The following HPSE2 variants were observed in gnomAD, a reference collection of about 807,000 sequenced individuals.
The protein encoded by HPSE2 is inactive heparanase-2.
In HPSE2, 38 loss-of-function variants were observed where a neutral mutation model predicts 60.5. That is an observed-to-expected ratio of 0.63 (90% CI 0.48 to 0.82). HPSE2 has a LOEUF of 0.82. Ranked by LOEUF, HPSE2 falls within the 40% of genes least tolerant of loss-of-function variation. The pLI, the probability that HPSE2 is intolerant of heterozygous loss-of-function variation, is 0.00. For missense variants in HPSE2, 713 were observed against 740.4 expected, an observed-to-expected ratio of 0.96 and a Z score of 0.43; for synonymous variants, 295 against 293.2, an observed-to-expected ratio of 1.01 and a Z score of -0.06.
intron 3 of HPSE2, among the ~76,000 whole-genome samples, chr10:98,811,672 C>G (rs1272011628): frequency 6.6e-6 from 1 of 152,052 alleles, no homozygotes; most frequent in East Asian, 1.9e-4. Context: ...AAGAATCTAG[C>G]AAGTAGATAT....
intron 3 of HPSE2, among the ~76,000 whole-genome samples, chr10:98,876,303 G>A (rs1952876238): frequency 6.6e-6 from 1 of 151,724 alleles, no homozygotes; most frequent in Admixed American, 6.6e-5. Context: ...AATTCTTATG[G>A]TGGTGACTAA....
At chr10:98,994,071 G>T (rs1168104637) in intron 3 of HPSE2, among the ~76,000 whole-genome samples, 1 of 152,102 alleles carries the variant, frequency 6.6e-6, no homozygotes, top group African/African-American at 2.4e-5. Flanking sequence ...AAGCATGAAG[G>T]CTTTGAAGTC....
In HPSE2 at chr10:99,003,281, A is replaced by G. The variant is rs191148720; in HGVS notation, c.610+140957T>C. On this transcript the variant is annotated intron_variant, in intron 3 of 11. Coordinates refer to ENST00000370552, the MANE Select transcript of HPSE2 (RefSeq NM_021828.5). ...GTGGACACTTAGATTGATTCCATAT[A>G]TGGCTATTATGAATAATGCTGCAAT... 2.0e-3 allele frequency among the ~76,000 whole-genome samples: 309 copies of G among 152,144 alleles called. 5 individuals are homozygous for G. Among genetic ancestry groups the G allele is most frequent in the East Asian group, 7.7e-4 (4 of 5,178 alleles).
At chr10:98,988,415 A>G (rs1364226487) in intron 3 of HPSE2, among the ~76,000 whole-genome samples, 6 of 151,644 alleles carry the variant, frequency 4.0e-5, no homozygotes, top group African/African-American at 1.4e-4. Flanking sequence ...TATTTAATAA[A>G]TGGTGCTGGG....
At chr10:99,165,529 G>GTATTTATT (rs71009726) in intron 2 of HPSE2, among the ~76,000 whole-genome samples, 4,480 of 144,022 alleles carry the variant, frequency 0.031, 94 homozygotes, top group African/African-American at 0.042. Context: ...ATTTATTTAC[G>GTATTTATT]TATTTATTTA....
chr10:99,235,729 C>A lies in HPSE2; in HGVS notation c.74G>T (p.Gly25Val), dbSNP rs550903865. 8 of 1,613,838 alleles carry A rather than the reference C, an allele frequency of 5.0e-6. No individual in the cohort carries two copies. The highest frequency in any genetic ancestry group is 6.8e-6 in the Non-Finnish European group (8 of 1,180,004). Residue 25 changes from glycine (G) to valine (V), a missense_variant, in exon 1 of 12, where the codon GGG becomes GTG. By Grantham distance (109) the Gly-to-Val change is moderately radical (BLOSUM62 -3). Coordinates refer to ENST00000370552, the MANE Select transcript of HPSE2 (RefSeq NM_021828.5). ...NSRPPACLAP[G>V]ALYLALLLHL... is the part of the protein sequence containing the mutation. ...GAGCAACAGAGCCAAGTAGAGAGCC[C>A]CCGGGGCTAGGCACGCGGGGGGGCG...
At chr10:99,089,356 G>A (rs1202029546) in intron 3 of HPSE2, among the ~76,000 whole-genome samples, 1 of 152,150 alleles carries the variant, frequency 6.6e-6, no homozygotes, top group African/African-American at 2.4e-5. Flanking sequence ...TGTATAAGGT[G>A]AGAGATGAGG....
intron 3 of HPSE2, among the ~76,000 whole-genome samples, chr10:99,088,040 T>G (rs896834222): frequency 6.6e-6 from 1 of 151,402 alleles, no homozygotes; most frequent in East Asian, 1.9e-4. Flanking sequence ...ACTGGGCTCC[T>G]GGAAGTCCCT....
chr10:99,231,936 T>C (rs1849656947), intron 2 of HPSE2, among the ~76,000 whole-genome samples: 1 of 152,144 alleles, frequency 6.6e-6, no homozygotes. Context: ...TGACCTTTAA[T>C]AATCTATGAA....
intron 9 of HPSE2, among the ~76,000 whole-genome samples, chr10:98,521,293 A>G (rs1942783891): frequency 6.6e-6 from 1 of 152,194 alleles, no homozygotes; most frequent in Non-Finnish European, 1.5e-5. Context: ...CAAATTTACA[A>G]GAAAAAAACT....
chr10:99,013,927 C>A, intron 3 of HPSE2: 1 of 432,126 alleles, frequency 2.3e-6, no homozygotes, highest in South Asian at 1.8e-5. Flanking sequence ...GAACAGTCTC[C>A]ATATCCTGGT....
intron 3 of HPSE2, among the ~76,000 whole-genome samples, chr10:99,138,895 A>G (rs1039207953): frequency 6.6e-6 from 1 of 152,184 alleles, no homozygotes; most frequent in Admixed American, 6.5e-5. Context: ...CATTTTTTTA[A>G]AAGAGGCTAA....
the HPSE2 span, among the ~76,000 whole-genome samples, chr10:99,250,264 A>G: frequency 6.6e-6 from 1 of 152,104 alleles, no homozygotes; most frequent in Admixed American, 6.6e-5. Context: ...GGCCTCCCCA[A>G]CCATGCTTCC....
intron 11 of HPSE2, among the ~76,000 whole-genome samples, chr10:98,479,458 C>G (rs1228970033): frequency 6.6e-6 from 1 of 152,342 alleles, no homozygotes; most frequent in African/African-American, 2.4e-5. Flanking sequence ...TCTGCACAGT[C>G]TGCTTCACTG....
chr10:99,297,309 G>A, the HPSE2 span, among the ~76,000 whole-genome samples: 2 of 152,118 alleles, frequency 1.3e-5, no homozygotes, highest in Non-Finnish European at 2.9e-5. Flanking sequence ...CATGCAAGTT[G>A]AGGTATCCTG....
the HPSE2 span, among the ~76,000 whole-genome samples, chr10:99,305,979 G>GCGCGCGCGCGCGCACACACACACACA: frequency 1.4e-4 from 11 of 80,582 alleles, no homozygotes; most frequent in Non-Finnish European, 1.9e-4. Flanking sequence ...GCGCGCGCGC[G>GCGCGCGCGCGCGCACACACACACACA]CACACACACA....
At chr10:98,920,945 T>A (rs1954265333) in intron 3 of HPSE2, among the ~76,000 whole-genome samples, 1 of 152,180 alleles carries the variant, frequency 6.6e-6, no homozygotes, top group Non-Finnish European at 1.5e-5. Context: ...CAGTAGAATA[T>A]TTGGATGACA....
At chr10:99,305,971 G>GCACACACACACACA in the HPSE2 span, among the ~76,000 whole-genome samples, 616 of 41,864 alleles carry the variant, frequency 0.015, 5 homozygotes, top group South Asian at 0.041. Context: ...ACGCGCGCGC[G>GCACACACACACACA]CGCGCGCGCA....
intron 7 of HPSE2, among the ~76,000 whole-genome samples, chr10:98,630,443 C>T (rs964478619): frequency 2.6e-4 from 40 of 152,176 alleles, no homozygotes; most frequent in African/African-American, 8.4e-4. Context: ...ATGATCCGCC[C>T]GCCTTGGCCT....
Sources: allele counts gnomAD v4.1 joint callset (sites outside exome capture counted in the v4.1 genomes callset), GRCh38; gene constraint gnomAD v4.1.1; transcripts MANE v1.5; gene names NCBI Gene and HGNC (gene_info 2026-07-23, HGNC 2026-07-21).